The following ANGPT1 variants were observed in gnomAD, a reference collection of about 807,000 sequenced individuals.
The protein encoded by ANGPT1 is angiopoietin 1.
Under a neutral mutation model 62.2 loss-of-function variants are expected in ANGPT1, and 17 were observed. The ratio of observed to expected loss-of-function variants is 0.27; its 90% confidence interval spans 0.19 to 0.41. The LOEUF is 0.41. ANGPT1 is among the 10% of genes least tolerant of loss of function. ANGPT1 has a pLI of 1.00. For synonymous variants in ANGPT1, 199 were observed against 198.9 expected, an observed-to-expected ratio of 1.00 and a Z score of 0.00; for missense variants, 478 against 594.9, an observed-to-expected ratio of 0.80 and a Z score of 2.04.
chr8:107,327,905 C>T (rs938546907), intron 3 of ANGPT1, among the ~76,000 whole-genome samples: 12 of 152,072 alleles, frequency 7.9e-5, no homozygotes, highest in African/African-American at 2.9e-4. Context: ...TAGACTTCTC[C>T]ATACCCCTGT....
intron 4 of ANGPT1, among the ~76,000 whole-genome samples, chr8:107,313,428 T>C (rs1056519888): frequency 2.4e-5 from 3 of 125,806 alleles, no homozygotes; most frequent in African/African-American, 9.2e-5. Context: ...TGTTACTAGT[T>C]GTTTTTTTTT....
intron 1 of ANGPT1, among the ~76,000 whole-genome samples, chr8:107,489,188 G>A (rs1043034729): frequency 2.6e-5 from 4 of 152,114 alleles, no homozygotes; most frequent in Non-Finnish European, 5.9e-5. Flanking sequence ...ATGCCAGTGA[G>A]TTTGGTCGCT....
intron 1 of ANGPT1, among the ~76,000 whole-genome samples, chr8:107,466,231 A>C (rs1468109776): frequency 6.6e-6 from 1 of 152,178 alleles, no homozygotes; most frequent in African/African-American, 2.4e-5. Context: ...TTTCCTTGGA[A>C]GTCCTGTTTA....
At chr8:107,487,722 T>C (rs1563645300) in intron 1 of ANGPT1, among the ~76,000 whole-genome samples, 1 of 152,146 alleles carries the variant, frequency 6.6e-6, no homozygotes, top group Admixed American at 6.5e-5. Flanking sequence ...ATTTACAACA[T>C]GGACAAGTGT....
At chr8:107,468,236 T>G (rs1439083025) in intron 1 of ANGPT1, among the ~76,000 whole-genome samples, 7 of 152,102 alleles carry the variant, frequency 4.6e-5, no homozygotes, top group Admixed American at 4.6e-4. Flanking sequence ...GAGGTGGGGC[T>G]AAGTAAACTT....
Position 107,497,233 on chromosome 8 carries a change from G to T in ANGPT1, c.297+29C>A, listed in dbSNP as rs544512186. ...AGTGCAAGAAAGGAAAAAGGTCCGT[G>T]CTATTAGAAACTGAAAGCAATCACT... is the stretch of plus-strand genomic sequence containing the variant. On this transcript the variant is annotated intron_variant, in intron 1 of 8. Coordinates refer to ENST00000517746, the MANE Select transcript of ANGPT1 (RefSeq NM_001146.5). 1.9e-6 allele frequency: 3 copies of T among 1,605,902 alleles called. No homozygotes were observed. In the South Asian group the frequency reaches 3.3e-5, roughly 18 times the overall value.
chr8:107,388,723 C>G (rs1452700730), intron 1 of ANGPT1, among the ~76,000 whole-genome samples: 1 of 152,096 alleles, frequency 6.6e-6, no homozygotes, highest in Non-Finnish European at 1.5e-5. Flanking sequence ...CATTCTGTAT[C>G]CTGGCAGAGA....
chr8:107,388,777 T>G (rs1268697255), intron 1 of ANGPT1, among the ~76,000 whole-genome samples: 3 of 152,126 alleles, frequency 2.0e-5, no homozygotes, highest in Admixed American at 6.6e-5. Flanking sequence ...TATGGAGCAT[T>G]TCCTGTGTTA....
intron 1 of ANGPT1, among the ~76,000 whole-genome samples, chr8:107,401,881 C>T (rs987112488): frequency 1.3e-5 from 2 of 152,122 alleles, no homozygotes; most frequent in Admixed American, 6.6e-5. Context: ...AAGGAATTCA[C>T]GATCAGTGCT....
intron 2 of ANGPT1, among the ~76,000 whole-genome samples, chr8:107,338,140 G>A (rs1006689270): frequency 3.3e-5 from 5 of 152,014 alleles, no homozygotes; most frequent in Non-Finnish European, 7.4e-5. Context: ...AATAGACCCT[G>A]GGCTGGACTT....
At chr8:107,303,506 A>C in intron 4 of ANGPT1, 139 bp from the exon 5 acceptor site, 1 of 670,690 alleles carries the variant, frequency 1.5e-6, no homozygotes, top group Non-Finnish European at 2.4e-6. Context: ...GTCAATCATA[A>C]AGACAATACT....
intron 1 of ANGPT1, among the ~76,000 whole-genome samples, chr8:107,489,817 T>C (rs1586365972): frequency 6.6e-6 from 1 of 151,450 alleles, no homozygotes; most frequent in East Asian, 1.9e-4. Context: ...CCAAAGGGGG[T>C]TTGGAATTTC....
chr8:107,481,908 G>A (rs1812699515), intron 1 of ANGPT1, among the ~76,000 whole-genome samples: 1 of 152,170 alleles, frequency 6.6e-6, no homozygotes. Context: ...CCCACAACAC[G>A]TGGGGATTAT....
chr8:107,370,340 AAAAGAAAGAAAGAAAGAAAGAAAGAAAG>A lies in ANGPT1; in HGVS notation c.298-23271_298-23244del, dbSNP rs71308727. Among the ~76,000 whole-genome samples the A allele has an allele frequency of 8.4e-3, 457 of 54,418 alleles. 77 individuals are homozygous for A. The highest frequency in any genetic ancestry group is 0.07 in the South Asian group (90 of 1,288). 35.7% of individuals were successfully genotyped at this position (54,418 alleles called of 152,430 possible). A position where few individuals can be genotyped will look rare whatever the true frequency, so the allele number is the denominator to read the frequency against. On this transcript the variant is annotated intron_variant, in intron 1 of 8. Transcript: ENST00000517746. ...GAAGGAAAGAGAAAGGAAAGAAAGA[AAAAGAAAGAAAGAAAGAAAGAAAGAAAG>A]AAAGAAAGAAAGAAAGAAAGAAAGA...
In ANGPT1 at chr8:107,484,783, C is replaced by T. The variant is rs970999853; in HGVS notation, c.297+12479G>A. 1.1e-4 allele frequency among the ~76,000 whole-genome samples: 17 copies of T among 152,170 alleles called. No homozygotes were observed. In the South Asian group the frequency reaches 2.5e-3, roughly 22 times the overall value. On this transcript the variant is annotated intron_variant, in intron 1 of 8. Coordinates refer to ENST00000517746, the MANE Select transcript of ANGPT1 (RefSeq NM_001146.5). ...TCTTTGCAGATAAATTATTTTGTGC[C>T]GAAAGCAACAGCAATTTCTTTGGCA...
intron 1 of ANGPT1, among the ~76,000 whole-genome samples, chr8:107,423,952 T>G (rs1431624639): frequency 6.8e-6 from 1 of 147,312 alleles, no homozygotes; most frequent in East Asian, 2.1e-4. Flanking sequence ...GCAATTCTCC[T>G]GCCTCAGCCT....
At chr8:107,352,744 G>A (rs1397684920) in intron 1 of ANGPT1, among the ~76,000 whole-genome samples, 1 of 152,068 alleles carries the variant, frequency 6.6e-6, no homozygotes, top group Non-Finnish European at 1.5e-5. Context: ...TTAAAATATG[G>A]TGCAGATTAA....
At chr8:107,476,755 G>T (rs1334063404) in intron 1 of ANGPT1, among the ~76,000 whole-genome samples, 1 of 152,056 alleles carries the variant, frequency 6.6e-6, no homozygotes, top group Non-Finnish European at 1.5e-5. Flanking sequence ...AGAAATATTT[G>T]CTTTTTTAAA....
chr8:107,485,959 A>G (rs1812802204), intron 1 of ANGPT1, among the ~76,000 whole-genome samples: 1 of 152,240 alleles, frequency 6.6e-6, no homozygotes, highest in African/African-American at 2.4e-5. Context: ...CACAGTAGGG[A>G]CTGCAGACGT....
Sources: gnomAD v4.1 joint callset for allele counts (sites outside exome capture counted in the v4.1 genomes callset) on GRCh38, gnomAD v4.1.1 for gene constraint, MANE v1.5 for transcripts, NCBI Gene and HGNC (gene_info 2026-07-23, HGNC 2026-07-21) for gene names.